Variants in DYM observed in about 807,000 individuals in gnomAD.
The protein encoded by DYM is dymeclin, also known as dyggve-Melchior-Clausen syndrome protein.
Under a neutral mutation model 93.1 loss-of-function variants are expected in DYM, and 78 were observed. The observed-to-expected ratio is 0.84, with a 90% confidence interval of 0.70 to 1.01. DYM has a LOEUF of 1.01. Among genes scored for constraint, DYM ranks in the 50% least tolerant of loss-of-function variants. The pLI, the probability that DYM is intolerant of heterozygous loss-of-function variation, is 0.00. For synonymous variants in DYM, 321 were observed against 319.7 expected, an observed-to-expected ratio of 1.00 and a Z score of -0.04; for missense variants, 789 against 845.0, an observed-to-expected ratio of 0.93 and a Z score of 0.82.
At chr18:49,198,098 T>C (rs2091645979) in intron 14 of DYM, among the ~76,000 whole-genome samples, 1 of 152,164 alleles carries the variant, frequency 6.6e-6, no homozygotes, top group Admixed American at 6.5e-5. Context: ...CCATCTGATC[T>C]TTGACAAACC....
intron 5 of DYM, among the ~76,000 whole-genome samples, chr18:49,376,358 A>G (rs1431474410): frequency 1.3e-5 from 2 of 152,230 alleles, no homozygotes; most frequent in Admixed American, 6.5e-5. Context: ...ATTTAAATAC[A>G]CTCAACCATA....
intron 8 of DYM, among the ~76,000 whole-genome samples, chr18:49,291,493 GA>G (rs1305558766): frequency 8.5e-5 from 13 of 152,238 alleles, no homozygotes; most frequent in Non-Finnish European, 2.9e-5. Context: ...GGGAAGGGGG[GA>G]AATAGTCCCC....
At chr18:49,177,662 T>C (rs1159903924) in intron 14 of DYM, among the ~76,000 whole-genome samples, 1 of 152,146 alleles carries the variant, frequency 6.6e-6, no homozygotes, top group Admixed American at 6.6e-5. Context: ...TTCCTTTTGA[T>C]CTTTGTGTAC....
intron 5 of DYM, among the ~76,000 whole-genome samples, chr18:49,372,660 G>T (rs1044557521): frequency 6.6e-6 from 1 of 152,154 alleles, no homozygotes; most frequent in Non-Finnish European, 1.5e-5. Flanking sequence ...CAGGAGAATT[G>T]CTTGAACCTG....
chr18:49,390,111 G>C lies in DYM; in HGVS notation c.193+1482C>G, dbSNP rs1441074096. On this transcript the variant is annotated intron_variant, in intron 3 of 17. Transcript: ENST00000675505. ...ATAACACCTTTTCATTATCAACATA[G>C]TTTGTTTTTAAAAACAAAAATATTT... 3.9e-5 allele frequency among the ~76,000 whole-genome samples: 6 copies of C among 152,200 alleles called. 1 individual carries two copies. In the South Asian group the frequency reaches 1.0e-3, roughly 26 times the overall value.
intron 14 of DYM, among the ~76,000 whole-genome samples, chr18:49,199,986 AAAG>A (rs1292079928): frequency 2.0e-5 from 3 of 152,166 alleles, no homozygotes; most frequent in Admixed American, 6.5e-5. Context: ...GTTAAAAAGA[AAAG>A]AAAAAAAAAG....
At chr18:49,270,128 T>C (rs2094652868) in intron 11 of DYM, among the ~76,000 whole-genome samples, 1 of 152,256 alleles carries the variant, frequency 6.6e-6, no homozygotes, top group Non-Finnish European at 1.5e-5. Flanking sequence ...TAGGCTACAC[T>C]ATCTTGGCTG....
At chr18:49,442,064 A>G (rs2081685193) in intron 1 of DYM, among the ~76,000 whole-genome samples, 1 of 152,180 alleles carries the variant, frequency 6.6e-6, no homozygotes, top group Non-Finnish European at 1.5e-5. Context: ...GGGAAAAGAT[A>G]CAGAAATTTA....
intron 8 of DYM, among the ~76,000 whole-genome samples, chr18:49,317,143 A>G (rs905167536): frequency 6.6e-6 from 1 of 152,248 alleles, no homozygotes; most frequent in Admixed American, 6.5e-5. Flanking sequence ...GGAAACTTGA[A>G]GAGGAAATTT....
intron 11 of DYM, among the ~76,000 whole-genome samples, chr18:49,263,432 T>C (rs2094520910): frequency 6.6e-6 from 1 of 150,448 alleles, no homozygotes; most frequent in African/African-American, 2.4e-5. Context: ...ATATCTTCTT[T>C]TAAAAATAAA....
intron 8 of DYM, among the ~76,000 whole-genome samples, chr18:49,289,733 AT>A (rs1696783590): frequency 6.5e-5 from 1 of 15,456 alleles, no homozygotes; most frequent in African/African-American, 2.2e-4. Flanking sequence ...ATGTGTATAT[AT>A]ATATATATAT....
chr18:49,441,190 TA>T (rs1210680195), intron 1 of DYM, among the ~76,000 whole-genome samples: 8 of 36,494 alleles, frequency 2.2e-4, no homozygotes, highest in South Asian at 1.7e-3. Flanking sequence ...TATTTATATA[TA>T]ATATATTATA....
Position 49,453,334 on chromosome 18 carries a change from G to A in DYM, c.-54+7064C>T, listed in dbSNP as rs572648294. 7.2e-4 allele frequency among the ~76,000 whole-genome samples: 110 copies of A among 152,206 alleles called. 2 individuals are homozygous for A. The highest frequency in any genetic ancestry group is 3.9e-4 in the East Asian group (2 of 5,168). On this transcript the variant is annotated intron_variant, in intron 1 of 17. Coordinates refer to ENST00000675505, the MANE Select transcript of DYM (RefSeq NM_001353214.3). ...GCTGCCCCAACCAGCAGTGGCAACCGGCTCAGGTCCCCTTCCACACTGCGG... is the reference window on the plus strand; with the variant it reads ...GCTGCCCCAACCAGCAGTGGCAACCAGCTCAGGTCCCCTTCCACACTGCGG...
intron 13 of DYM, among the ~76,000 whole-genome samples, chr18:49,248,199 TTCTA>T (rs1201973652): frequency 1.3e-5 from 2 of 152,250 alleles, no homozygotes; most frequent in African/African-American, 2.4e-5. Flanking sequence ...TATTAAAAAC[TTCTA>T]TCTATGTTCA....
chr18:49,038,757 TTCTC>T lies in DYM; in HGVS notation c.*5294_*5297del, dbSNP rs945220467. 6.6e-6 allele frequency among the ~76,000 whole-genome samples: 1 copy of T among 152,224 alleles called. No individual in the cohort carries two copies. Among genetic ancestry groups the T allele is most frequent in the African/African-American group, 2.4e-5 (1 of 41,466 alleles). On this transcript the variant is annotated 3_prime_UTR_variant, in exon 18 of 18. Transcript: ENST00000675505. ...TCTTCCACTGAATTGATTATTCGAA[TTCTC>T]TCTTATTATGTGGAAAGCTATACAC...
rs2094431092 is a variant in DYM, at chr18:49,258,509, A to G, written c.1252-16T>C. On this transcript the variant is annotated splice_polypyrimidine_tract_variant and intron_variant, in intron 11 of 17. Coordinates refer to ENST00000675505, the MANE Select transcript of DYM (RefSeq NM_001353214.3). ...TTTTTAGTATCTGTAATGGGGAAGA[A>G]AAGTTTAAGTAAAAAATGATTGCTT... 6.9e-7 allele frequency: 1 copy of G among 1,448,666 alleles called. No individual in the cohort carries two copies. The allele number at this position is 1,448,666 out of a possible 1,614,324, so 89.7% of individuals were successfully genotyped here. A position where few individuals can be genotyped will look rare whatever the true frequency, so the allele number is the denominator to read the frequency against.
At chr18:49,145,134 T>TATATATATATATATATATAAAA (rs1555778609) in intron 15 of DYM, among the ~76,000 whole-genome samples, 1 of 79,574 alleles carries the variant, frequency 1.3e-5, no homozygotes, top group East Asian at 2.8e-4. Flanking sequence ...TATATATATA[T>TATATATATATATATATATAAAA]AATTTATATA....
At chr18:49,406,431 C>T (rs2071508327) in intron 2 of DYM, among the ~76,000 whole-genome samples, 1 of 151,938 alleles carries the variant, frequency 6.6e-6, no homozygotes, top group African/African-American at 2.4e-5. Context: ...TCTGGTGGCT[C>T]ACACCTGTAA....
intron 13 of DYM, among the ~76,000 whole-genome samples, chr18:49,229,231 G>C (rs1257827860): frequency 6.6e-6 from 1 of 151,886 alleles, no homozygotes; most frequent in South Asian, 2.1e-4. Flanking sequence ...AGAGGTATAA[G>C]AACAGGGACA....
Sources: allele counts gnomAD v4.1 joint callset (sites outside exome capture counted in the v4.1 genomes callset), GRCh38; gene constraint gnomAD v4.1.1; transcripts MANE v1.5; gene names NCBI Gene and HGNC (gene_info 2026-07-23, HGNC 2026-07-21).